The following RYR2 variants were observed in gnomAD, a reference collection of about 807,000 sequenced individuals.
RYR2 encodes the protein ryanodine receptor 2.
RYR2 carries 227 observed loss-of-function variants against 601.1 expected under a neutral mutation model. The ratio of observed to expected loss-of-function variants is 0.38; its 90% CI spans 0.34 to 0.42. The LOEUF is 0.42. Ranked by LOEUF, RYR2 falls within the 10% of genes least tolerant of loss-of-function variation. The pLI, the probability that RYR2 is intolerant of heterozygous loss-of-function variation, is 1.00. For missense variants in RYR2, 4,646 were observed against 6,156.5 expected (o/e 0.75, Z 8.21); for synonymous variants, 2,223 against 2,175.1 (o/e 1.02, Z -0.61).
rs368572861 is a variant in RYR2, at chr1:237,482,683, G to A, written c.1709-9123G>A. Among the ~76,000 whole-genome samples the A allele has an allele frequency of 1.2e-4, 18 of 152,130 alleles. No homozygotes were observed. The South Asian group carries it at 2.3e-3, about 19-fold the overall frequency. On this transcript the variant is annotated intron_variant, in intron 17 of 104. Coordinates refer to ENST00000366574, the MANE Select transcript of RYR2 (RefSeq NM_001035.3). Reference sequence around the variant, plus strand: ...CACCATGGAGTGCAGATATCTCTTCGGTATACTGATTTCTTTCTTTTGGGT... The same window carrying A: ...CACCATGGAGTGCAGATATCTCTTCAGTATACTGATTTCTTTCTTTTGGGT...
chr1:237,704,100 A>G (rs1688175061), intron 66 of RYR2, among the ~76,000 whole-genome samples: 2 of 152,112 alleles, frequency 1.3e-5, no homozygotes, highest in Admixed American at 6.5e-5. Flanking sequence ...ACTTTTCTCT[A>G]TGCAACAGAA....
intron 100 of RYR2, among the ~76,000 whole-genome samples, chr1:237,811,117 C>T (rs1574053035): frequency 6.8e-6 from 1 of 147,352 alleles, no homozygotes; most frequent in Non-Finnish European, 1.5e-5. Context: ...AAGCCTAAGA[C>T]AGTTTTTTCC....
Position 237,548,563 on chromosome 1 carries a change from G to A in RYR2, c.3039G>A (p.Arg1013=), listed in dbSNP as rs1481647853. Residue 1013 remains arginine, a synonymous_variant, in exon 26 of 105, where the codon CGG becomes CGA. Coordinates refer to ENST00000366574, the MANE Select transcript of RYR2 (RefSeq NM_001035.3). ...AHNVWARDRI[R]QGWTYGIQQD... ...ATGTGTGGGCGCGGGATCGAATCCG[G>A]CAGGGCTGGACTTATGGCATCCAAC... is the stretch of plus-strand genomic sequence containing the variant. 2 of 1,613,982 alleles carry A rather than the reference G, an allele frequency of 1.2e-6. No homozygotes were observed. The highest frequency in any genetic ancestry group is 8.5e-7 in the Non-Finnish European group (1 of 1,179,874).
intron 1 of RYR2, among the ~76,000 whole-genome samples, chr1:237,164,504 G>T (rs1676422623): frequency 6.6e-6 from 1 of 152,152 alleles, no homozygotes; most frequent in African/African-American, 2.4e-5. Flanking sequence ...GGGTGGTGGG[G>T]TTTAAGCAGA....
At chr1:237,212,181 CT>C (rs1391956748) in intron 1 of RYR2, among the ~76,000 whole-genome samples, 2 of 152,190 alleles carry the variant, frequency 1.3e-5, no homozygotes, top group Non-Finnish European at 2.9e-5. Context: ...TAGGTTCACC[CT>C]TAATCCTATC....
intron 46 of RYR2, among the ~76,000 whole-genome samples, chr1:237,640,518 C>T (rs1009585322): frequency 1.3e-5 from 2 of 152,252 alleles, no homozygotes; most frequent in African/African-American, 4.8e-5. Context: ...TCTTTGTCAC[C>T]CTTTCTCTAC....
chr1:237,499,703 C>T lies in RYR2; in HGVS notation c.2204-1008C>T, dbSNP rs145916517. Among the ~76,000 whole-genome samples the T allele has an allele frequency of 4.3e-3, 658 of 152,064 alleles. 2 individuals are homozygous for T. The highest frequency in any genetic ancestry group is 0.014 in the African/African-American group (595 of 41,490). On this transcript the variant is annotated intron_variant, in intron 20 of 104. Coordinates refer to ENST00000366574, the MANE Select transcript of RYR2 (RefSeq NM_001035.3). Reference sequence around the variant, plus strand: ...AAAAAAAAATAGGTATTCTCTACTACTGGCATTTCAGATATGTCCTTGGTA... The same window carrying T: ...AAAAAAAAATAGGTATTCTCTACTATTGGCATTTCAGATATGTCCTTGGTA...
At chr1:237,239,975 CTCTT>C (rs1289464103) in intron 1 of RYR2, among the ~76,000 whole-genome samples, 1 of 152,228 alleles carries the variant, frequency 6.6e-6, no homozygotes, top group Non-Finnish European at 1.5e-5. Context: ...TTCCCTCTCT[CTCTT>C]TCTCTCAGGA....
At chr1:237,765,063 C>T in intron 84 of RYR2, among the ~76,000 whole-genome samples, 1 of 150,490 alleles carries the variant, frequency 6.6e-6, no homozygotes, top group South Asian at 2.1e-4. Flanking sequence ...AAAGGTTCTT[C>T]AGGAAATGTG....
intron 57 of RYR2, 68 bp downstream of exon 57, chr1:237,666,657 C>T (rs1469308574): frequency 2.5e-6 from 3 of 1,217,034 alleles, no homozygotes; most frequent in Non-Finnish European, 1.2e-6. Context: ...GTAATGCTTT[C>T]CTGCATATAT....
At chr1:237,132,703 A>C (rs1303394433) in intron 1 of RYR2, among the ~76,000 whole-genome samples, 1 of 152,248 alleles carries the variant, frequency 6.6e-6, no homozygotes, top group Non-Finnish European at 1.5e-5. Context: ...GGGTAGAATA[A>C]GTATTTTTTA....
chr1:237,681,824 G>T (rs1685911324), intron 62 of RYR2, among the ~76,000 whole-genome samples: 1 of 152,126 alleles, frequency 6.6e-6, no homozygotes, highest in African/African-American at 2.4e-5. Flanking sequence ...CCTGTGGATT[G>T]TGAGTGCACG....
At chr1:237,242,601 C>T (rs1368240024) in intron 1 of RYR2, among the ~76,000 whole-genome samples, 10 of 152,110 alleles carry the variant, frequency 6.6e-5, no homozygotes, top group Non-Finnish European at 8.8e-5. Flanking sequence ...ATACTCAGGA[C>T]GTGAATCCTT....
chr1:237,514,896 G>C (rs762397012), intron 24 of RYR2, among the ~76,000 whole-genome samples: 15 of 152,132 alleles, frequency 9.9e-5, no homozygotes, highest in Non-Finnish European at 1.8e-4. Context: ...TAGGTTTTTT[G>C]TTTGTTTAAT....
chr1:237,533,028 T>C (rs1668286562), intron 25 of RYR2, among the ~76,000 whole-genome samples: 1 of 152,190 alleles, frequency 6.6e-6, no homozygotes, highest in Non-Finnish European at 1.5e-5. Context: ...GGCACAGGGT[T>C]TAAAAATAAG....
chr1:237,589,749 C>T, intron 29 of RYR2, 44 bp from the exon 30 acceptor site: 1 of 1,557,794 alleles, frequency 6.4e-7, no homozygotes, highest in Non-Finnish European at 8.8e-7. Flanking sequence ...CTAACAGGAT[C>T]ATATACTAAT....
At chr1:237,270,472 T>C in intron 1 of RYR2, 25 bp from the exon 2 acceptor site, 1 of 1,557,866 alleles carries the variant, frequency 6.4e-7, no homozygotes, top group Non-Finnish European at 8.7e-7. Flanking sequence ...CACTTATTTT[T>C]CCCTCTCTTT....
chr1:237,089,298 A>G (rs976333888), intron 1 of RYR2, among the ~76,000 whole-genome samples: 1 of 152,212 alleles, frequency 6.6e-6, no homozygotes. Context: ...TTTTCTTCCC[A>G]TTCCTTTAAT....
chr1:237,454,762 C>A (rs1197593642), intron 15 of RYR2, among the ~76,000 whole-genome samples, 188 bp downstream of exon 15: 1 of 152,096 alleles, frequency 6.6e-6, no homozygotes, highest in African/African-American at 2.4e-5. Context: ...TTATACTATC[C>A]ATGAGTATTA....
Sources: allele counts gnomAD v4.1 joint callset (sites outside exome capture counted in the v4.1 genomes callset), GRCh38; gene constraint gnomAD v4.1.1; transcripts MANE v1.5; gene names NCBI Gene and HGNC (gene_info 2026-07-23, HGNC 2026-07-21).